The following FAM240B variants were observed in gnomAD, a reference collection of about 807,000 sequenced individuals.
FAM240B encodes the protein family with sequence similarity 240 member B.
chr9:38,702,070 G>T (rs908971324), intron 2 of FAM240B, among the ~76,000 whole-genome samples: 1 of 152,170 alleles, frequency 6.6e-6, no homozygotes, highest in African/African-American at 2.4e-5. Flanking sequence ...TTTCTGGAAG[G>T]GAAGATACAG....
rs570513943 is a variant in FAM240B at position 38,718,620 on chromosome 9, G to A, written c.-4+1402C>T. On this transcript the variant is annotated intron_variant, in intron 1 of 2. Transcript: ENST00000637493. ...GAGTCATGGCAGGGCCCATAGAGAAGTAACCAATACATTTCTCAGTTCAAT... is the reference window on the plus strand; with the variant it reads ...GAGTCATGGCAGGGCCCATAGAGAAATAACCAATACATTTCTCAGTTCAAT... Among the ~76,000 whole-genome samples, 230 of 152,102 alleles carry A rather than the reference G, an allele frequency of 1.5e-3. 1 individual carries two copies. Among genetic ancestry groups the A allele is most frequent in the Non-Finnish European group, 1.8e-3 (119 of 67,976 alleles).
chr9:38,705,754 G>A (rs1821184520), intron 1 of FAM240B, among the ~76,000 whole-genome samples: 2 of 152,236 alleles, frequency 1.3e-5, no homozygotes, highest in South Asian at 4.1e-4. Flanking sequence ...GAAGGGAACA[G>A]CATGTGTAAG....
rs143437323 is a variant in FAM240B, at chr9:38,709,851, A to G, written c.-3-5849T>C. ...TGTTGTGCAATTGATTTTTGTTTAT[A>G]AACTCAATTTCAGAGGTGCACACTC... On this transcript the variant is annotated intron_variant, in intron 1 of 2. Transcript: ENST00000637493. Among the ~76,000 whole-genome samples the G allele has an allele frequency of 4.6e-5, 7 of 152,320 alleles. No homozygotes were observed. The East Asian group carries it at 1.3e-3, about 29-fold the overall frequency.
At chr9:38,697,377 A>G (rs1821080684) in intron 2 of FAM240B, among the ~76,000 whole-genome samples, 1 of 152,146 alleles carries the variant, frequency 6.6e-6, no homozygotes, top group Admixed American at 6.5e-5. Context: ...GCTTTGGCTC[A>G]CTGACTCCCC....
chr9:38,696,634 C>T (rs1217029312), intron 2 of FAM240B, among the ~76,000 whole-genome samples: 3 of 152,002 alleles, frequency 2.0e-5, no homozygotes, highest in African/African-American at 7.3e-5. Flanking sequence ...ATGGTGAAAC[C>T]CCACCTCTAC....
chr9:38,710,225 C>G (rs1325882441), intron 1 of FAM240B, among the ~76,000 whole-genome samples: 1 of 152,170 alleles, frequency 6.6e-6, no homozygotes, highest in Non-Finnish European at 1.5e-5. Flanking sequence ...GCCTCGGCCT[C>G]CCAAAGTGCT....
intron 1 of FAM240B, among the ~76,000 whole-genome samples, chr9:38,711,992 G>T (rs1376519826): frequency 1.3e-5 from 2 of 151,974 alleles, no homozygotes; most frequent in Admixed American, 6.6e-5. Context: ...TTTCAGTCTT[G>T]AGTCCCTCTG....
chr9:38,718,628 T>C (rs1484482909), intron 1 of FAM240B, among the ~76,000 whole-genome samples: 1 of 152,156 alleles, frequency 6.6e-6, no homozygotes, highest in African/African-American at 2.4e-5. Flanking sequence ...AAGTAACCAA[T>C]ACATTTCTCA....
intron 2 of FAM240B, among the ~76,000 whole-genome samples, chr9:38,702,624 T>C (rs34947236): frequency 6.6e-6 from 1 of 152,068 alleles, no homozygotes; most frequent in African/African-American, 2.4e-5. Context: ...CAGACTGAGG[T>C]TGACACATAT....
chr9:38,717,463 T>C (rs1821319540), intron 1 of FAM240B, among the ~76,000 whole-genome samples: 1 of 151,974 alleles, frequency 6.6e-6, no homozygotes, highest in South Asian at 2.1e-4. Context: ...GTAGTAGTGG[T>C]CTCACCCTAA....
At chr9:38,706,090 T>A (rs1212191243) in intron 1 of FAM240B, among the ~76,000 whole-genome samples, 1 of 152,238 alleles carries the variant, frequency 6.6e-6, no homozygotes, top group Non-Finnish European at 1.5e-5. Context: ...TAAAACATTT[T>A]TATTTTTTAT....
At chr9:38,702,146 G>T (rs904622689) in intron 2 of FAM240B, among the ~76,000 whole-genome samples, 1 of 152,156 alleles carries the variant, frequency 6.6e-6, no homozygotes, top group Non-Finnish European at 1.5e-5. Flanking sequence ...GACGGAAGAT[G>T]GTGGGGACCA....
chr9:38,700,151 G>A lies in FAM240B; in HGVS notation c.143+3706C>T, dbSNP rs1821108779. On this transcript the variant is annotated intron_variant, in intron 2 of 2. Transcript: ENST00000637493. ...GCTGCATTTCCTATCCTTTCAGTTT[G>A]AATGAAAAATCTAACTAAAAATTTT... Among the ~76,000 whole-genome samples the A allele has an allele frequency of 2.0e-5, 3 of 152,230 alleles. No individual in the cohort carries two copies. In the South Asian group the frequency reaches 6.2e-4, roughly 32 times the overall value.
intron 1 of FAM240B, among the ~76,000 whole-genome samples, chr9:38,715,316 GAAC>G (rs1368976431): frequency 6.6e-6 from 1 of 152,200 alleles, no homozygotes; most frequent in African/African-American, 2.4e-5. Context: ...CTGTAAAATG[GAAC>G]AACATGTACT....
intron 1 of FAM240B, among the ~76,000 whole-genome samples, chr9:38,707,080 G>A (rs1216989500): frequency 6.6e-6 from 1 of 152,088 alleles, no homozygotes; most frequent in Non-Finnish European, 1.5e-5. Context: ...GTATGCAGAA[G>A]GTAATGCCTT....
intron 1 of FAM240B, among the ~76,000 whole-genome samples, chr9:38,713,195 T>G (rs1259310212): frequency 6.6e-6 from 1 of 152,080 alleles, no homozygotes; most frequent in Non-Finnish European, 1.5e-5. Context: ...GAATTAGATT[T>G]CGGCCGGGCG....
intron 1 of FAM240B, chr9:38,705,233 G>C (rs1194143961): frequency 6.6e-6 from 1 of 152,330 alleles, no homozygotes; most frequent in Non-Finnish European, 1.5e-5. Flanking sequence ...CTATGATCCC[G>C]TGCAAGCTGG....
chr9:38,720,012 T>G lies in FAM240B; in HGVS notation c.-4+10A>C, dbSNP rs1821353247. The G allele has an allele frequency of 6.7e-6, 1 of 149,594 alleles. No individual in the cohort carries two copies. The highest frequency in any genetic ancestry group is 2.2e-4 in the South Asian group (1 of 4,632). 9.3% of individuals were successfully genotyped at this position (149,594 alleles called of 1,614,324 possible). A position where few individuals can be genotyped will look rare whatever the true frequency, so the allele number is the denominator to read the frequency against. ...CCCACACTTGACAACACAAGCTCAA[T>G]GTACTGTACCTTAAAGATGAATTTG... On this transcript the variant is annotated intron_variant, in intron 1 of 2. Transcript: ENST00000637493.
At chr9:38,705,966 T>C (rs888744473) in intron 1 of FAM240B, among the ~76,000 whole-genome samples, 2 of 152,014 alleles carry the variant, frequency 1.3e-5, no homozygotes, top group Non-Finnish European at 2.9e-5. Context: ...GTAGGGACGA[T>C]TGAAGGAGAT....
Sources: allele counts gnomAD v4.1 joint callset (sites outside exome capture counted in the v4.1 genomes callset), GRCh38; gene constraint gnomAD v4.1.1; transcripts MANE v1.5; gene names NCBI Gene and HGNC (gene_info 2026-07-23, HGNC 2026-07-21).